Variants in PDZRN4 observed in about 807,000 individuals in gnomAD.
The protein encoded by PDZRN4 is PDZ domain containing ring finger 4.
In PDZRN4, 70 loss-of-function variants were observed where a neutral mutation model predicts 99.0. The ratio of observed to expected loss-of-function variants is 0.71; its 90% CI spans 0.58 to 0.86. The LOEUF (loss-of-function observed/expected upper bound fraction) is 0.86, where lower values mean the gene tolerates loss of function less well. Among genes scored for constraint, PDZRN4 ranks in the 40% least tolerant of loss-of-function variants. The probability of loss-of-function intolerance (pLI) is 0.00; values close to 1 mark genes in which losing one functional copy is unlikely to be tolerated. For missense variants in PDZRN4, 1,474 were observed against 1,331.2 expected (o/e 1.11, Z -1.67); for synonymous variants, 551 against 501.6 (o/e 1.10, Z -1.32).
intron 5 of PDZRN4, among the ~76,000 whole-genome samples, chr12:41,525,369 C>T (rs944772548): frequency 2.6e-5 from 4 of 152,118 alleles, no homozygotes; most frequent in African/African-American, 9.7e-5. Context: ...ACTTGTGAGA[C>T]GTCTCTGACA....
intron 3 of PDZRN4, among the ~76,000 whole-genome samples, chr12:41,500,305 T>C (rs731979): frequency 0.079 from 12,025 of 151,864 alleles, 1,182 homozygotes; most frequent in East Asian, 0.31. Context: ...TGCAACACCC[T>C]ATACCCAGGG....
intron 7 of PDZRN4, among the ~76,000 whole-genome samples, chr12:41,558,822 G>A (rs1431800371): frequency 1.3e-5 from 2 of 152,042 alleles, no homozygotes; most frequent in African/African-American, 4.8e-5. Context: ...GAGTCTTAAG[G>A]GTGATTATGA....
At chr12:41,552,815 A>G in intron 6 of PDZRN4, 61 bp downstream of exon 6, 4 of 1,299,064 alleles carry the variant, frequency 3.1e-6, no homozygotes, top group Non-Finnish European at 4.5e-6. Context: ...GAGCGAAATG[A>G]CTCACAATGA....
intron 3 of PDZRN4, among the ~76,000 whole-genome samples, chr12:41,488,572 A>T (rs902507577): frequency 1.3e-5 from 2 of 152,160 alleles, no homozygotes; most frequent in African/African-American, 4.8e-5. Flanking sequence ...GCAGCTCAAG[A>T]AACCTGGCGT....
intron 3 of PDZRN4, among the ~76,000 whole-genome samples, chr12:41,310,196 G>A (rs1202706221): frequency 6.6e-6 from 1 of 152,122 alleles, no homozygotes; most frequent in Non-Finnish European, 1.5e-5. Context: ...GCCTCCCAAA[G>A]TGCTGGGATT....
chr12:41,405,952 G>C (rs1054196126), intron 3 of PDZRN4, among the ~76,000 whole-genome samples: 2 of 152,004 alleles, frequency 1.3e-5, no homozygotes, highest in African/African-American at 2.4e-5. Flanking sequence ...TACTACAGCA[G>C]GGTGGGGGGC....
At chr12:41,424,524 A>G (rs1952518809) in intron 3 of PDZRN4, among the ~76,000 whole-genome samples, 1 of 152,176 alleles carries the variant, frequency 6.6e-6, no homozygotes, top group African/African-American at 2.4e-5. Context: ...GCTAGAAGCT[A>G]TTATGACCTG....
rs192629027 is a variant in PDZRN4, at chr12:41,230,695, C to A, written c.843+36507C>A. Reference sequence around the variant, plus strand: ...AAAGTGTATTTCATCTATATCACTGCACTTGAAAATTTTTCGTCTTTTTTG... The same window carrying A: ...AAAGTGTATTTCATCTATATCACTGAACTTGAAAATTTTTCGTCTTTTTTG... On this transcript the variant is annotated intron_variant, in intron 3 of 9. Transcript: ENST00000402685. Among the ~76,000 whole-genome samples, 4 of 152,130 alleles carry A rather than the reference C, an allele frequency of 2.6e-5. No individual in the cohort carries two copies. In the East Asian group the frequency reaches 7.7e-4, roughly 29 times the overall value.
At chr12:41,417,632 C>T (rs1952455680) in intron 3 of PDZRN4, among the ~76,000 whole-genome samples, 1 of 152,130 alleles carries the variant, frequency 6.6e-6, no homozygotes, top group Non-Finnish European at 1.5e-5. Flanking sequence ...GCAATAATTA[C>T]AAAGTAGTGA....
intron 3 of PDZRN4, among the ~76,000 whole-genome samples, chr12:41,421,502 C>A (rs1014272241): frequency 6.6e-6 from 1 of 152,198 alleles, no homozygotes; most frequent in Non-Finnish European, 1.5e-5. Flanking sequence ...CTATTTGTAT[C>A]TTTTTGTTTA....
intron 3 of PDZRN4, among the ~76,000 whole-genome samples, chr12:41,467,860 G>T (rs1952943729): frequency 6.6e-6 from 1 of 152,160 alleles, no homozygotes; most frequent in South Asian, 2.1e-4. Context: ...AATTCATGGT[G>T]TATTCCCCTT....
In PDZRN4 at chr12:41,523,999, A is replaced by G. The variant is rs574259145; in HGVS notation, c.1203+14086A>G. Among the ~76,000 whole-genome samples the G allele has an allele frequency of 3.3e-5, 5 of 152,244 alleles. No homozygotes were observed. The East Asian group carries it at 9.7e-4, about 29-fold the overall frequency. ...CATCACCACAACCTATGCCATAAAC[A>G]TATTTAGTAAAGTTGCAGGATACAA... On this transcript the variant is annotated intron_variant, in intron 5 of 9. Coordinates refer to ENST00000402685, the MANE Select transcript of PDZRN4 (RefSeq NM_001164595.2).
At chr12:41,412,972 C>T (rs1952411529) in intron 3 of PDZRN4, 1 of 152,060 alleles carries the variant, frequency 6.6e-6, no homozygotes, top group African/African-American at 2.4e-5. Context: ...TGCCTGTAAT[C>T]CCAGCTACTC....
chr12:41,303,421 C>A (rs541097041), intron 3 of PDZRN4, among the ~76,000 whole-genome samples: 1 of 152,074 alleles, frequency 6.6e-6, no homozygotes. Flanking sequence ...TATCTATGAA[C>A]CATATTCTAA....
At chr12:41,189,926 G>A (rs2120626970) in intron 1 of PDZRN4, among the ~76,000 whole-genome samples, 1 of 152,168 alleles carries the variant, frequency 6.6e-6, no homozygotes, top group Non-Finnish European at 1.5e-5. Flanking sequence ...CTGCGCTCCT[G>A]GTCCTCCCGC....
chr12:41,520,925 C>T (rs1336857951), intron 5 of PDZRN4, among the ~76,000 whole-genome samples: 1 of 152,046 alleles, frequency 6.6e-6, no homozygotes, highest in Non-Finnish European at 1.5e-5. Flanking sequence ...TGAGATACAG[C>T]ACTTCTAGAC....
chr12:41,494,253 T>C (rs573337671), intron 3 of PDZRN4, among the ~76,000 whole-genome samples: 7 of 152,276 alleles, frequency 4.6e-5, no homozygotes, highest in African/African-American at 1.4e-4. Context: ...CTATGCTAAA[T>C]ATTTTATTGA....
chr12:41,302,066 G>T (rs758063025), intron 3 of PDZRN4, among the ~76,000 whole-genome samples: 6 of 151,924 alleles, frequency 3.9e-5, no homozygotes, highest in Non-Finnish European at 7.4e-5. Flanking sequence ...TAACATTTGT[G>T]TATGTGTGTA....
chr12:41,258,504 C>T (rs995759030), intron 3 of PDZRN4, among the ~76,000 whole-genome samples: 14 of 151,882 alleles, frequency 9.2e-5, no homozygotes, highest in Admixed American at 6.6e-4. Flanking sequence ...TTTCTGTCCC[C>T]TATTAAAAGA....
Sources: gnomAD v4.1 joint callset for allele counts (sites outside exome capture counted in the v4.1 genomes callset) on GRCh38, gnomAD v4.1.1 for gene constraint, MANE v1.5 for transcripts, NCBI Gene and HGNC (gene_info 2026-07-23, HGNC 2026-07-21) for gene names.